TRAP1: variants seen among roughly 807,000 people sequenced by gnomAD.
The protein encoded by TRAP1 is heat shock protein 75 kDa, mitochondrial.
Under a neutral mutation model 89.1 loss-of-function variants are expected in TRAP1, and 102 were observed. The ratio of observed to expected loss-of-function variants is 1.15; its 90% confidence interval spans 0.98 to 1.35. The LOEUF (loss-of-function observed/expected upper bound fraction) is 1.35. TRAP1 is among the 40% of genes most tolerant of loss of function. The pLI is 0.00. For missense variants in TRAP1, 1,256 were observed against 945.3 expected, an observed-to-expected ratio of 1.33 and a Z score of -4.31; for synonymous variants, 508 against 388.0, an observed-to-expected ratio of 1.31 and a Z score of -3.64.
At chr16:3,664,162 T>C in intron 13 of TRAP1, 112 bp downstream of exon 13, 1 of 1,188,552 alleles carries the variant, frequency 8.4e-7, no homozygotes, top group Non-Finnish European at 1.1e-6. Flanking sequence ...CCTGACCCAC[T>C]GTGCAGCCCT....
At chr16:3,704,849 A>ATTTTT (rs71392851) in intron 1 of TRAP1, among the ~76,000 whole-genome samples, 1 of 146,756 alleles carries the variant, frequency 6.8e-6, no homozygotes, top group East Asian at 2.0e-4. Context: ...CCAACCTCTT[A>ATTTTT]TTTTTTTTTT....
chr16:3,676,250 A>C, intron 6 of TRAP1, 105 bp from the exon 7 acceptor site: 3 of 810,342 alleles, frequency 3.7e-6, no homozygotes, highest in Non-Finnish European at 5.9e-6. Flanking sequence ...AGCCCAAACA[A>C]CACACAACAC....
At position 3,658,787 on chromosome 16, in the gene TRAP1, A is replaced by C; in HGVS notation, c.2013+6T>G. 6.2e-7 allele frequency: 1 copy of C among 1,613,390 alleles called. No individual in the cohort carries two copies. The highest frequency in any genetic ancestry group is 8.5e-7 in the Non-Finnish European group (1 of 1,179,798). On this transcript the variant is annotated splice_donor_region_variant and intron_variant, in intron 17 of 17. Coordinates refer to ENST00000246957, the MANE Select transcript of TRAP1 (RefSeq NM_016292.3). ...CCCTGCAGTCATCCTAAGCTGCTGC[A>C]CTCACCTGATCCACCAGCAGCTGAG...
chr16:3,693,691 C>T (rs2051247263), intron 1 of TRAP1, among the ~76,000 whole-genome samples: 1 of 152,154 alleles, frequency 6.6e-6, no homozygotes, highest in Non-Finnish European at 1.5e-5. Context: ...TAGGCAGTTT[C>T]AAAAAGGTCC....
rs72778148 is a variant in TRAP1 at position 3,687,594 on chromosome 16, G to A, written c.331-1458C>T. Among the ~76,000 whole-genome samples, 663 of 152,188 alleles carry A rather than the reference G, an allele frequency of 4.4e-3. 1 individual carries two copies. Among genetic ancestry groups the A allele is most frequent in the Admixed American group, 9.4e-3 (143 of 15,270 alleles). Reference sequence around the variant, plus strand: ...CAAACAGACCTTCCATTTAAAATCAGTGAGAGAGGCCGGGTGTGGTGGCTC... The same window carrying A: ...CAAACAGACCTTCCATTTAAAATCAATGAGAGAGGCCGGGTGTGGTGGCTC... On this transcript the variant is annotated intron_variant, in intron 3 of 17. Transcript: ENST00000246957.
rs201545995 is a variant in TRAP1, at chr16:3,677,531, G to A, written c.671C>T (p.Pro224Leu). 236 of 1,614,134 alleles carry A rather than the reference G, an allele frequency of 1.5e-4. 1 individual carries two copies. Among genetic ancestry groups the A allele is most frequent in the Middle Eastern group, 1.2e-3 (7 of 6,062 alleles). The change falls in exon 6 of 18, where the codon CCG becomes CTG. Residue 224 changes from proline to leucine, a missense_variant. By Grantham distance (98) the Pro-to-Leu change is moderately conservative. Coordinates refer to ENST00000246957, the MANE Select transcript of TRAP1 (RefSeq NM_016292.3). ...AAGCCACTGGTAACCCAGGCTCCCC[G>A]GGGCTGCCGAGCGGGAATAGACCTC... The part of the protein sequence containing the change: ...RVEVYSRSAA[P>L]GSLGYQWLSD...
chr16:3,684,032 G>A (rs2051106905), intron 4 of TRAP1, among the ~76,000 whole-genome samples: 1 of 151,964 alleles, frequency 6.6e-6, no homozygotes, highest in Non-Finnish European at 1.5e-5. Flanking sequence ...CGGGTGTGGT[G>A]GCATGTGCCT....
At chr16:3,686,446 T>C (rs553107146) in intron 3 of TRAP1, among the ~76,000 whole-genome samples, 4 of 152,222 alleles carry the variant, frequency 2.6e-5, no homozygotes, top group East Asian at 1.9e-4. Context: ...GCCTCCTAAG[T>C]AGCTGGGCCC....
In TRAP1 at chr16:3,690,908, C is replaced by A. The variant is rs758648066; in HGVS notation, c.166G>T (p.Gly56Ter). The A allele has an allele frequency of 6.3e-7, 1 of 1,593,212 alleles. No homozygotes were observed. Among genetic ancestry groups the A allele is most frequent in the Non-Finnish European group, 8.5e-7 (1 of 1,170,054 alleles). The change falls in exon 2 of 18, where the codon GGA (glycine) becomes TGA (stop). Residue 56 changes from glycine to a stop codon, truncating the protein, a stop_gained. Coordinates refer to ENST00000246957, the MANE Select transcript of TRAP1 (RefSeq NM_016292.3). LOFTEE classifies it high-confidence loss of function. ...RRNPAWSLQA[G>*]RLFSTQTAED... The stretch of plus-strand genomic sequence containing the variant: ...GCGGTCTGCGTGCTGAACAGTCGTC[C>A]TGCCTGCAAGCTCCAGGCTGGGTTT...
At chr16:3,665,674 G>A (rs1259511778) in intron 12 of TRAP1, among the ~76,000 whole-genome samples, 1 of 152,184 alleles carries the variant, frequency 6.6e-6, no homozygotes, top group African/African-American at 2.4e-5. Flanking sequence ...CATCCTCTGA[G>A]GGGAGACAGT....
chr16:3,678,877 C>T (rs1035581280), intron 5 of TRAP1, among the ~76,000 whole-genome samples: 1 of 152,206 alleles, frequency 6.6e-6, no homozygotes, highest in South Asian at 2.1e-4. Flanking sequence ...GTTGCTCTGC[C>T]TCACAGCACT....
At chr16:3,661,509 C>T (rs1352274401) in intron 16 of TRAP1, 1 of 152,894 alleles carries the variant, frequency 6.5e-6, no homozygotes, top group African/African-American at 2.4e-5. Flanking sequence ...GACCAAGAAC[C>T]ACCGGAGGCC....
At position 3,674,463 on chromosome 16, in the gene TRAP1, C is replaced by G. The variant is rs74860214; in HGVS notation, c.920G>C (p.Arg307Pro). Residue 307 changes from arginine to proline, a missense_variant, in exon 9 of 18, where the codon CGT becomes CCT. Transcript: ENST00000246957. Reference protein sequence around the residue: ...AIWMMDPKDVREWQHEEFYRY... With the variant: ...AIWMMDPKDVPEWQHEEFYRY... Reference sequence around the variant, plus strand: ...GTAGAACTCCTCATGTTGCCACTCACGGACATCCTTGGGGTCCATCATCCA... The same window carrying G: ...GTAGAACTCCTCATGTTGCCACTCAGGGACATCCTTGGGGTCCATCATCCA... 1.2e-6 allele frequency: 2 copies of G among 1,613,930 alleles called. No homozygotes were observed. The highest frequency in any genetic ancestry group is 2.7e-5 in the African/African-American group (2 of 74,932).
intron 1 of TRAP1, among the ~76,000 whole-genome samples, chr16:3,710,880 T>TATATATA (rs1555468286): frequency 6.7e-5 from 6 of 89,508 alleles, no homozygotes; most frequent in East Asian, 4.3e-4. Flanking sequence ...TATATATATA[T>TATATATA]TTTTTTTTTT....
At chr16:3,689,355 T>C (rs991549240) in intron 2 of TRAP1, among the ~76,000 whole-genome samples, 9 of 151,548 alleles carry the variant, frequency 5.9e-5, no homozygotes, top group African/African-American at 2.2e-4. Context: ...CGCCATTCTC[T>C]TGCCTCAGCC....
intron 7 of TRAP1, among the ~76,000 whole-genome samples, chr16:3,675,627 C>G (rs932726703): frequency 6.6e-6 from 1 of 152,160 alleles, no homozygotes; most frequent in Admixed American, 6.5e-5. Context: ...CCGGCTGCTG[C>G]GAGACTGCAA....
intron 16 of TRAP1, chr16:3,659,834 C>T (rs2151234218): frequency 6.6e-6 from 1 of 152,242 alleles, no homozygotes; most frequent in South Asian, 2.1e-4. Context: ...TGGCTCACCG[C>T]AGCCTCCTGG....
Position 3,704,014 on chromosome 16 carries a change from C to CA in TRAP1, c.89-13030dup, listed in dbSNP as rs34889672. 2.7e-5 allele frequency among the ~76,000 whole-genome samples: 4 copies of CA among 147,180 alleles called. No individual in the cohort carries two copies. In the South Asian group the frequency reaches 8.6e-4, roughly 32 times the overall value. The stretch of plus-strand genomic sequence containing the variant: ...TGGGCGACAGAGCGAGACCCCGTCT[C>CA]AAAAAAAAAAAATCAAAAAACAAAA... On this transcript the variant is annotated intron_variant, in intron 1 of 17. Coordinates refer to ENST00000246957, the MANE Select transcript of TRAP1 (RefSeq NM_016292.3).
chr16:3,658,441 A>C (rs1666397294), intron 17 of TRAP1: 1 of 597,324 alleles, frequency 1.7e-6, no homozygotes, highest in Non-Finnish European at 2.9e-6. Context: ...TTTAAAACAG[A>C]ATTTGGCTGG....
Sources: gnomAD v4.1 joint callset for allele counts (sites outside exome capture counted in the v4.1 genomes callset) on GRCh38, gnomAD v4.1.1 for gene constraint, MANE v1.5 for transcripts, NCBI Gene and HGNC (gene_info 2026-07-23, HGNC 2026-07-21) for gene names.